GALNT13: variants seen among roughly 807,000 people sequenced by gnomAD.
GALNT13 encodes the protein polypeptide N-acetylgalactosaminyltransferase 13.
Under a neutral mutation model 64.2 loss-of-function variants are expected in GALNT13, and 28 were observed. The ratio of observed to expected loss-of-function variants is 0.44; its 90% CI spans 0.32 to 0.60. The LOEUF (loss-of-function observed/expected upper bound fraction) is 0.60, where lower values mean the gene tolerates loss of function less well. Ranked by LOEUF, GALNT13 falls within the 20% of genes least tolerant of loss-of-function variation. GALNT13 has a pLI of 0.05. For missense variants in GALNT13, 577 were observed against 669.8 expected, an observed-to-expected ratio of 0.86 and a Z score of 1.53; for synonymous variants, 214 against 224.6, an observed-to-expected ratio of 0.95 and a Z score of 0.42.
the GALNT13 span, among the ~76,000 whole-genome samples, chr2:153,664,219 G>A: frequency 4.6e-5 from 7 of 152,062 alleles, no homozygotes; most frequent in Non-Finnish European, 7.4e-5. Flanking sequence ...CTTCAACCAC[G>A]TAAGACAGAC....
chr2:153,985,278 G>A (rs1025951), intron 3 of GALNT13, among the ~76,000 whole-genome samples: 1 of 151,820 alleles, frequency 6.6e-6, no homozygotes, highest in African/African-American at 2.4e-5. Context: ...TACTTAACTC[G>A]TCTTCCCTCC....
At chr2:154,371,632 T>A (rs1298175276) in intron 9 of GALNT13, among the ~76,000 whole-genome samples, 1 of 151,974 alleles carries the variant, frequency 6.6e-6, no homozygotes, top group East Asian at 1.9e-4. Flanking sequence ...TCTGCATAAT[T>A]TTAGAAATCA....
the GALNT13 span, among the ~76,000 whole-genome samples, chr2:153,727,348 A>T: frequency 6.6e-6 from 1 of 152,092 alleles, no homozygotes; most frequent in African/African-American, 2.4e-5. Context: ...ATTGTTGTAT[A>T]TTTCATTTTG....
At chr2:153,389,073 A>T in the GALNT13 span, among the ~76,000 whole-genome samples, 3 of 152,058 alleles carry the variant, frequency 2.0e-5, no homozygotes, top group Admixed American at 2.0e-4. Context: ...ACAGTTCATC[A>T]TATGCTCTAA....
chr2:153,541,068 G>A, the GALNT13 span, among the ~76,000 whole-genome samples: 1 of 152,088 alleles, frequency 6.6e-6, no homozygotes, highest in Non-Finnish European at 1.5e-5. Flanking sequence ...CTGTGTCCCT[G>A]CCCAAATCTT....
At chr2:153,068,588 C>G in the GALNT13 span, among the ~76,000 whole-genome samples, 2 of 152,224 alleles carry the variant, frequency 1.3e-5, no homozygotes. Flanking sequence ...CATTATTTAC[C>G]TACAGCATTT....
chr2:153,102,094 T>G, the GALNT13 span, among the ~76,000 whole-genome samples: 1 of 152,312 alleles, frequency 6.6e-6, no homozygotes, highest in East Asian at 1.9e-4. Flanking sequence ...TTTCCCTCTT[T>G]TGGGGTCTCC....
intron 9 of GALNT13, among the ~76,000 whole-genome samples, chr2:154,381,754 C>A (rs1698284355): frequency 6.6e-6 from 1 of 152,070 alleles, no homozygotes; most frequent in East Asian, 1.9e-4. Flanking sequence ...TTTTCTAATG[C>A]AAATGGTTGG....
intron 1 of GALNT13, among the ~76,000 whole-genome samples, chr2:153,898,391 G>T (rs1447827065): frequency 6.6e-6 from 1 of 152,052 alleles, no homozygotes; most frequent in Non-Finnish European, 1.5e-5. Flanking sequence ...GAAGACAATT[G>T]CAATATGCCA....
chr2:153,205,722 C>G, the GALNT13 span, among the ~76,000 whole-genome samples: 1 of 151,994 alleles, frequency 6.6e-6, no homozygotes, highest in African/African-American at 2.4e-5. Flanking sequence ...TTAGTAATTT[C>G]CATTTTTAAA....
Position 154,141,766 on chromosome 2 carries a change from T to C in GALNT13, c.311+1261T>C, listed in dbSNP as rs143388135. 8.5e-5 allele frequency among the ~76,000 whole-genome samples: 13 copies of C among 152,302 alleles called. No homozygotes were observed. The East Asian group carries it at 2.3e-3, about 27-fold the overall frequency. On this transcript the variant is annotated intron_variant, in intron 4 of 12. Coordinates refer to ENST00000392825, the MANE Select transcript of GALNT13 (RefSeq NM_052917.4). Reference sequence around the variant, plus strand: ...TTCACCCTATAAAAGTGGTTTATTATGGTTTCCAGCAATTTATACTGCTGT... The same window carrying C: ...TTCACCCTATAAAAGTGGTTTATTACGGTTTCCAGCAATTTATACTGCTGT...
the GALNT13 span, among the ~76,000 whole-genome samples, chr2:153,103,181 A>G: frequency 1.3e-5 from 2 of 152,148 alleles, no homozygotes; most frequent in African/African-American, 2.4e-5. Flanking sequence ...TAAACGTTTT[A>G]CCATGGCCTG....
At chr2:154,132,098 C>G (rs1005057637) in intron 3 of GALNT13, among the ~76,000 whole-genome samples, 4 of 152,134 alleles carry the variant, frequency 2.6e-5, no homozygotes, top group African/African-American at 9.7e-5. Context: ...GTGGGTCTGC[C>G]TTTCCCAGTC....
At chr2:153,251,576 C>T in the GALNT13 span, among the ~76,000 whole-genome samples, 3 of 150,408 alleles carry the variant, frequency 2.0e-5, no homozygotes, top group East Asian at 2.0e-4. Context: ...CCCACTGACT[C>T]GTCATCTCGC....
intron 4 of GALNT13, among the ~76,000 whole-genome samples, chr2:154,220,873 C>A (rs1654331427): frequency 6.6e-6 from 1 of 152,044 alleles, no homozygotes; most frequent in Non-Finnish European, 1.5e-5. Flanking sequence ...GCTTTAGTTT[C>A]TGGCCCAAAT....
At chr2:153,494,175 A>G in the GALNT13 span, among the ~76,000 whole-genome samples, 41 of 152,006 alleles carry the variant, frequency 2.7e-4, no homozygotes, top group Admixed American at 2.6e-3. Flanking sequence ...ATGTTTACAC[A>G]TTTCCTTTCT....
At chr2:153,613,223 A>G in the GALNT13 span, among the ~76,000 whole-genome samples, 1 of 152,160 alleles carries the variant, frequency 6.6e-6, no homozygotes, top group South Asian at 2.1e-4. Flanking sequence ...ATCAGTGCAT[A>G]TTTAAGATTT....
At chr2:153,444,250 T>C in the GALNT13 span, among the ~76,000 whole-genome samples, 2 of 152,140 alleles carry the variant, frequency 1.3e-5, no homozygotes, top group South Asian at 2.1e-4. Context: ...CCTAGGGTGA[T>C]AGTTAATGTT....
chr2:154,384,322 G>A (rs1011611939), intron 9 of GALNT13, among the ~76,000 whole-genome samples: 1 of 151,624 alleles, frequency 6.6e-6, no homozygotes, highest in Non-Finnish European at 1.5e-5. Context: ...GAATGCCTTT[G>A]GTTATTCATG....
Sources: allele counts gnomAD v4.1 joint callset (sites outside exome capture counted in the v4.1 genomes callset), GRCh38; gene constraint gnomAD v4.1.1; transcripts MANE v1.5; gene names NCBI Gene and HGNC (gene_info 2026-07-23, HGNC 2026-07-21).